ARL15: variants seen among roughly 807,000 people sequenced by gnomAD.
The protein encoded by ARL15 is ARF like GTPase 15.
A neutral mutation model predicts 25.2 loss-of-function variants in ARL15; 19 were observed. The observed-to-expected ratio is 0.75, with a 90% CI of 0.53 to 1.10. The LOEUF is 1.10. Ranked by LOEUF, ARL15 falls within the 50% of genes least tolerant of loss-of-function variation. The probability of loss-of-function intolerance (pLI) is 0.00; values close to 1 mark genes in which losing one functional copy is unlikely to be tolerated. For synonymous variants in ARL15, 94 were observed against 86.8 expected, an observed-to-expected ratio of 1.08 and a Z score of -0.46; for missense variants, 220 against 246.0, an observed-to-expected ratio of 0.89 and a Z score of 0.71.
At chr5:53,935,713 A>C (rs1478619142) in intron 4 of ARL15, among the ~76,000 whole-genome samples, 1 of 152,222 alleles carries the variant, frequency 6.6e-6, no homozygotes, top group South Asian at 2.1e-4. Context: ...AAACAACAAC[A>C]ACCACAGATC....
intron 1 of ARL15, among the ~76,000 whole-genome samples, chr5:54,191,340 A>T (rs750570174): frequency 6.6e-6 from 1 of 152,220 alleles, no homozygotes; most frequent in African/African-American, 2.4e-5. Context: ...TTCAATGGGT[A>T]TAGAATTTCA....
At chr5:53,910,063 G>T (rs1234565252) in intron 4 of ARL15, among the ~76,000 whole-genome samples, 1 of 152,132 alleles carries the variant, frequency 6.6e-6, no homozygotes, top group African/African-American at 2.4e-5. Flanking sequence ...TGGAAGGTGG[G>T]CAACCTTTCA....
At chr5:54,285,431 G>T in intron 1 of ARL15, 1 of 596,078 alleles carries the variant, frequency 1.7e-6, no homozygotes, top group Non-Finnish European at 2.1e-6. Flanking sequence ...GAAAATAAAC[G>T]TTATTTACTA....
chr5:54,161,955 C>T (rs1222232511), intron 2 of ARL15, among the ~76,000 whole-genome samples: 1 of 150,910 alleles, frequency 6.6e-6, no homozygotes, highest in Admixed American at 6.6e-5. Flanking sequence ...ATTTCAGTAC[C>T]CTCCTTCCAC....
intron 4 of ARL15, among the ~76,000 whole-genome samples, chr5:53,942,157 T>A (rs1475518209): frequency 6.6e-6 from 1 of 151,962 alleles, no homozygotes; most frequent in East Asian, 1.9e-4. Flanking sequence ...CTGGTCTTGC[T>A]CATGTGGGCA....
intron 4 of ARL15, among the ~76,000 whole-genome samples, chr5:53,961,783 T>C (rs542378907): frequency 1.3e-5 from 2 of 152,338 alleles, no homozygotes; most frequent in East Asian, 1.9e-4. Context: ...TTTTATGTTA[T>C]AGGAGTCTGT....
chr5:54,070,895 G>A (rs10044749), intron 4 of ARL15, among the ~76,000 whole-genome samples: 40,131 of 151,616 alleles, frequency 0.26, 6,671 homozygotes, highest in African/African-American at 0.48. Flanking sequence ...TTGGCCAGGT[G>A]CAATGGCTCA....
chr5:54,290,986 C>A (rs751398289), intron 1 of ARL15, among the ~76,000 whole-genome samples: 8 of 152,206 alleles, frequency 5.3e-5, no homozygotes, highest in Non-Finnish European at 7.3e-5. Flanking sequence ...TGAATCAGTA[C>A]TTCTATATTA....
chr5:54,224,689 G>A (rs1347898283), intron 1 of ARL15, among the ~76,000 whole-genome samples: 1 of 152,166 alleles, frequency 6.6e-6, no homozygotes, highest in Non-Finnish European at 1.5e-5. Context: ...AGTGGGAGTG[G>A]TGGGAAGGGA....
intron 1 of ARL15, among the ~76,000 whole-genome samples, chr5:54,230,225 T>C (rs1188966796): frequency 6.6e-6 from 1 of 151,602 alleles, no homozygotes; most frequent in African/African-American, 2.4e-5. Context: ...CAGGTGCCTG[T>C]AGTCCCAGCT....
At chr5:54,189,552 T>A (rs1015297566) in intron 1 of ARL15, among the ~76,000 whole-genome samples, 5 of 152,162 alleles carry the variant, frequency 3.3e-5, no homozygotes, top group African/African-American at 9.7e-5. Context: ...GAAAGAACAG[T>A]CTTTTCAACA....
chr5:53,916,180 G>A (rs997984520), intron 4 of ARL15, among the ~76,000 whole-genome samples: 1 of 151,660 alleles, frequency 6.6e-6, no homozygotes, highest in Non-Finnish European at 1.5e-5. Flanking sequence ...ATGAGGCACT[G>A]CACCTGACCT....
At chr5:54,061,057 C>T (rs189813413) in intron 4 of ARL15, among the ~76,000 whole-genome samples, 5 of 152,290 alleles carry the variant, frequency 3.3e-5, no homozygotes, top group African/African-American at 1.2e-4. Context: ...AAAATGTCCC[C>T]AGGGCATGTC....
chr5:54,253,179 C>T (rs974887732), intron 1 of ARL15, among the ~76,000 whole-genome samples: 10 of 152,044 alleles, frequency 6.6e-5, no homozygotes, highest in African/African-American at 2.4e-4. Context: ...TATGGCTTCT[C>T]GGCAGCAGTC....
At chr5:53,923,183 CA>C (rs1215242075) in intron 4 of ARL15, among the ~76,000 whole-genome samples, 1 of 152,110 alleles carries the variant, frequency 6.6e-6, no homozygotes, top group Non-Finnish European at 1.5e-5. Context: ...CAATGGCTGC[CA>C]TTGGTAAGGG....
intron 3 of ARL15, among the ~76,000 whole-genome samples, chr5:54,152,905 C>T: frequency 6.6e-6 from 1 of 152,198 alleles, no homozygotes; most frequent in East Asian, 1.9e-4. Flanking sequence ...ATTTTGATGG[C>T]ACAGAGCCAA....
chr5:54,199,334 A>G (rs1468352254), intron 1 of ARL15, among the ~76,000 whole-genome samples: 1 of 151,880 alleles, frequency 6.6e-6, no homozygotes, highest in Non-Finnish European at 1.5e-5. Flanking sequence ...GCACAGCAAA[A>G]GAAACTACCA....
chr5:54,120,824 T>C (rs189278553), intron 3 of ARL15, among the ~76,000 whole-genome samples: 147 of 152,328 alleles, frequency 9.7e-4, no homozygotes, highest in Admixed American at 1.8e-3. Flanking sequence ...AATGGAGACT[T>C]CCTGGCTGAC....
intron 4 of ARL15, among the ~76,000 whole-genome samples, chr5:53,899,763 C>CA (rs1390196797): frequency 3.3e-5 from 5 of 152,160 alleles, no homozygotes; most frequent in African/African-American, 1.2e-4. Context: ...GTCTCTCTCA[C>CA]ATTTTGTTTC....
Sources: gnomAD v4.1 joint callset for allele counts (sites outside exome capture counted in the v4.1 genomes callset) on GRCh38, gnomAD v4.1.1 for gene constraint, MANE v1.5 for transcripts, NCBI Gene and HGNC (gene_info 2026-07-23, HGNC 2026-07-21) for gene names.